COL20A1: variants seen among roughly 807,000 people sequenced by gnomAD.
COL20A1 encodes the protein collagen type XX alpha 1 chain.
In COL20A1, 164 loss-of-function variants were observed where a neutral mutation model predicts 152.9. The ratio of observed to expected loss-of-function variants is 1.07; its 90% CI spans 0.94 to 1.22. COL20A1 has a LOEUF of 1.22. Among genes scored for constraint, COL20A1 ranks in the 50% most tolerant of loss-of-function variants. COL20A1 has a pLI of 0.00. For synonymous variants in COL20A1, 864 were observed against 756.0 expected (o/e 1.14, Z -2.34); for missense variants, 1,873 against 1,744.8 (o/e 1.07, Z -1.31).
chr20:63,316,619 T>C lies in COL20A1; in HGVS notation c.2591T>C (p.Met864Thr), dbSNP rs756538714. 2 of 1,581,888 alleles carry C rather than the reference T, an allele frequency of 1.3e-6. No homozygotes were observed. Among genetic ancestry groups the C allele is most frequent in the South Asian group, 1.2e-5 (1 of 86,358 alleles). ...KAYASIRGVA[M>T]EPSAFGGTPT... ...TATGCGTCCATCCGGGGCGTGGCCA[T>C]GGAGCCCTCTGCCTTCGGTGGGACC... Residue 864 changes from methionine (M) to threonine (T), a missense_variant, in exon 21 of 36, where the codon ATG becomes ACG. By Grantham distance (81) the Met-to-Thr change is moderately conservative. Transcript: ENST00000358894.
chr20:63,330,051 G>A (rs1025937252), intron 35 of COL20A1, among the ~76,000 whole-genome samples: 1 of 152,116 alleles, frequency 6.6e-6, no homozygotes, highest in Non-Finnish European at 1.5e-5. Flanking sequence ...TGGTCCAAGT[G>A]TGGGAAAGCT....
At chr20:63,321,718 T>C (rs2068165740) in intron 26 of COL20A1, among the ~76,000 whole-genome samples, 1 of 152,160 alleles carries the variant, frequency 6.6e-6, no homozygotes, top group Admixed American at 6.5e-5. Flanking sequence ...CTGCCTCTGC[T>C]CACCCCAAGG....
chr20:63,332,943 T>G lies in COL20A1; in HGVS notation c.*2227T>G, dbSNP rs1043458283. 2.0e-5 allele frequency: 3 copies of G among 152,260 alleles called. No homozygotes were observed. Among genetic ancestry groups the G allele is most frequent in the South Asian group, 2.1e-4 (1 of 4,822 alleles). The allele number at this position is 152,260 out of a possible 1,614,324, so 9.4% of individuals were successfully genotyped here. On this transcript the variant is annotated 3_prime_UTR_variant, in exon 36 of 36. Coordinates refer to ENST00000358894, the MANE Select transcript of COL20A1 (RefSeq NM_020882.4). ...GCACCAAACCGGCCTGGCTCCTGTTTGCAGGAAGGCAGCCTCCCCGAGACC... is the reference window on the plus strand; with the variant it reads ...GCACCAAACCGGCCTGGCTCCTGTTGGCAGGAAGGCAGCCTCCCCGAGACC...
At chr20:63,297,442 C>T (rs9917458) in intron 2 of COL20A1, among the ~76,000 whole-genome samples, 21,539 of 150,666 alleles carry the variant, frequency 0.14, 2,695 homozygotes, top group African/African-American at 0.35. Flanking sequence ...TCAGGGGACC[C>T]AGCCCGGGGA....
intron 25 of COL20A1, among the ~76,000 whole-genome samples, chr20:63,320,696 A>G (rs2068150464): frequency 6.6e-6 from 1 of 151,690 alleles, no homozygotes; most frequent in Non-Finnish European, 1.5e-5. Context: ...ACTCCTCTGT[A>G]TACCCTGTGC....
rs779274436 is a variant in COL20A1, at chr20:63,319,505, C to T, written c.2825C>T (p.Thr942Ile). ...CTGGCAGCCGGGAAGAAGTCCCTGACCTACTTCCACCGTGACCCCAGGGCT... is the reference window on the plus strand; with the variant it reads ...CTGGCAGCCGGGAAGAAGTCCCTGATCTACTTCCACCGTGACCCCAGGGCT... ...VLLDAGKKSL[T>I]YFHRDPRAAL... Residue 942 changes from threonine to isoleucine, a missense_variant, in exon 23 of 36, where the codon ACC (threonine) becomes ATC (isoleucine). Thr to Ile is a moderately conservative substitution (Grantham distance 89). Transcript: ENST00000358894. This position sits in a 1 kb window ranked among gnomAD's most constrained non-coding sequence, Gnocchi z 4.4. 1.3e-6 allele frequency: 2 copies of T among 1,585,812 alleles called. No homozygotes were observed. The highest frequency in any genetic ancestry group is 1.7e-6 in the Non-Finnish European group (2 of 1,166,812).
At position 63,312,827 on chromosome 20, in the gene COL20A1, G is replaced by T; in HGVS notation, c.1969G>T (p.Glu657Ter). The change falls in exon 16 of 36, where the codon GAG becomes TAG. Residue 657 changes from glutamate to a stop codon, truncating the protein, a stop_gained. Transcript: ENST00000358894. LOFTEE classifies it high-confidence loss of function. Reference protein sequence around the residue: ...APSPSQLSMTELPGDAVQLAW... With the variant: ...APSPSQLSMT Reference sequence around the variant, plus strand: ...CAGCCCAAGCCAGCTGTCCATGACGGAGCTGCCAGGGGATGCAGTCCAGCT... The same window carrying T: ...CAGCCCAAGCCAGCTGTCCATGACGTAGCTGCCAGGGGATGCAGTCCAGCT... 1.9e-6 allele frequency: 3 copies of T among 1,562,048 alleles called. No homozygotes were observed. Among genetic ancestry groups the T allele is most frequent in the Non-Finnish European group, 2.6e-6 (3 of 1,153,020 alleles).
At chr20:63,317,522 A>G (rs554668447) in intron 21 of COL20A1, among the ~76,000 whole-genome samples, 13 of 151,566 alleles carry the variant, frequency 8.6e-5, no homozygotes, top group African/African-American at 2.7e-4. Context: ...TGTAACAGAG[A>G]TTTTAAAATT....
Position 63,309,395 on chromosome 20 carries a change from G to A in COL20A1, c.1003G>A (p.Val335Ile), listed in dbSNP as rs768554574. The A allele has an allele frequency of 1.4e-5, 21 of 1,555,410 alleles. No homozygotes were observed. Among genetic ancestry groups the A allele is most frequent in the African/African-American group, 2.7e-5 (2 of 73,364 alleles). Reference protein sequence around the residue: ...LLASPPRDITVHSVLDFLQLG... With the variant: ...LLASPPRDITIHSVLDFLQLG... ...GGCGTCCCCGCCGAGGGACATCACCGTCCACAGCGTGCTGGACTTCCTGCA... is the reference window on the plus strand; with the variant it reads ...GGCGTCCCCGCCGAGGGACATCACCATCCACAGCGTGCTGGACTTCCTGCA... The change falls in exon 9 of 36, where the codon GTC becomes ATC. Residue 335 changes from valine to isoleucine, a missense_variant. Coordinates refer to ENST00000358894, the MANE Select transcript of COL20A1 (RefSeq NM_020882.4).
At chr20:63,315,891 C>T (rs1021178951) in intron 20 of COL20A1, among the ~76,000 whole-genome samples, 1 of 152,244 alleles carries the variant, frequency 6.6e-6, no homozygotes, top group East Asian at 1.9e-4. Context: ...CCGCCTCCTG[C>T]CCGGTGCCTG....
chr20:63,325,560 T>G, intron 28 of COL20A1, 66 bp downstream of exon 28: 1 of 1,474,056 alleles, frequency 6.8e-7, no homozygotes, highest in Non-Finnish European at 9.4e-7. Context: ...GGGATGGAGA[T>G]GGGGAGTGCC....
chr20:63,314,507 C>T (rs1311643566), intron 19 of COL20A1, among the ~76,000 whole-genome samples: 1 of 152,250 alleles, frequency 6.6e-6, no homozygotes, highest in East Asian at 1.9e-4. Context: ...AGGTCCAGGG[C>T]GAGGGCTCTG....
At position 63,311,920 on chromosome 20, in the gene COL20A1, C is replaced by T. The variant is rs1315537161; in HGVS notation, c.1668C>T (p.Thr556=). ...EARGIRARTP[T]LAPPRHLGFS... is the part of the protein sequence containing the mutation. ...AGGCTCTGCTGTGCTTTGCAGCCAC[C>T]CTGGCCCCCCCGAGACACCTGGGCT... is the stretch of plus-strand genomic sequence containing the variant. Residue 556 remains threonine, a synonymous_variant, in exon 14 of 36, where the codon ACC becomes ACT. Transcript: ENST00000358894. The surrounding 1 kb of genome is among the most constrained non-coding windows in gnomAD (Gnocchi z 4.4). 2 of 1,551,006 alleles carry T rather than the reference C, an allele frequency of 1.3e-6. No individual in the cohort carries two copies. Among genetic ancestry groups the T allele is most frequent in the African/African-American group, 1.4e-5 (1 of 73,262 alleles).
At chr20:63,294,160 G>A (rs1313436232) in intron 1 of COL20A1, among the ~76,000 whole-genome samples, 1 of 20,280 alleles carries the variant, frequency 4.9e-5, no homozygotes, top group Admixed American at 3.7e-4. Context: ...GGAGTGCGGG[G>A]GGAGGGGAGT....
chr20:63,323,349 T>C (rs1240865794), intron 27 of COL20A1, among the ~76,000 whole-genome samples: 1 of 152,264 alleles, frequency 6.6e-6, no homozygotes, highest in Non-Finnish European at 1.5e-5. Context: ...GATTTTAAAA[T>C]AACTTTTACG....
Position 63,320,164 on chromosome 20 carries a change from C to T in COL20A1, c.3042C>T (p.Ala1014=), listed in dbSNP as rs41309377. The part of the protein sequence containing the change: ...AAGFVTLGRL[A]KARGPRSSSA... ...GCTTCGTCACGCTGGGGAGGCTGGC[C>T]AAGGCCAGGGGCCCCCGGAGCAGTT... The change falls in exon 24 of 36, where the codon GCC becomes GCT. Residue 1014 remains alanine (A), a synonymous_variant. Coordinates refer to ENST00000358894, the MANE Select transcript of COL20A1 (RefSeq NM_020882.4). 2 of 1,557,044 alleles carry T rather than the reference C, an allele frequency of 1.3e-6. No individual in the cohort carries two copies. Among genetic ancestry groups the T allele is most frequent in the Admixed American group, 1.9e-5 (1 of 52,804 alleles).
intron 27 of COL20A1, among the ~76,000 whole-genome samples, chr20:63,323,367 T>C (rs776999964): frequency 3.3e-5 from 5 of 152,266 alleles, no homozygotes; most frequent in Non-Finnish European, 7.3e-5. Context: ...ACGTAGTCCA[T>C]GTTACTGCTC....
Position 63,313,196 on chromosome 20 carries a change from CCTA to C in COL20A1, c.2161_2163del (p.Tyr721del), listed in dbSNP as rs1568777125. On this transcript the variant is annotated inframe_deletion, in exon 17 of 36. Coordinates refer to ENST00000358894, the MANE Select transcript of COL20A1 (RefSeq NM_020882.4). This position sits in a 1 kb window ranked among gnomAD's most constrained non-coding sequence, Gnocchi z 5.9. Reference sequence around the variant, plus strand: ...ACAGAGTACGACGTCACCATCTTGGCCTACTACAGGGACGGGGCCCGCAGTGAC... The same window carrying C: ...ACAGAGTACGACGTCACCATCTTGGCCTACAGGGACGGGGCCCGCAGTGAC... 1.9e-6 allele frequency: 3 copies of C among 1,612,594 alleles called. No individual in the cohort carries two copies. In the South Asian group the frequency reaches 3.3e-5, roughly 18 times the overall value.
chr20:63,297,839 T>A, intron 2 of COL20A1, 71 bp from the exon 3 acceptor site: 1 of 1,211,172 alleles, frequency 8.3e-7, no homozygotes. Flanking sequence ...GCAGGATGCC[T>A]GTACCCCCAC....
Sources: allele counts gnomAD v4.1 joint callset (sites outside exome capture counted in the v4.1 genomes callset), GRCh38; gene constraint gnomAD v4.1.1; non-coding constraint Gnocchi (gnomAD v3.1); transcripts MANE v1.5; gene names NCBI Gene and HGNC (gene_info 2026-07-23, HGNC 2026-07-21).